Variants in PAX2 observed in about 807,000 individuals in gnomAD.
The protein encoded by PAX2 is paired box 2.
A neutral mutation model predicts 41.7 loss-of-function variants in PAX2; 9 were observed. That is an observed-to-expected ratio of 0.22 (90% CI 0.13 to 0.38). The LOEUF is 0.38. PAX2 is among the 10% of genes least tolerant of loss of function. The probability of loss-of-function intolerance (pLI) is 1.00; values close to 1 mark genes in which losing one functional copy is unlikely to be tolerated. For missense variants in PAX2, 418 were observed against 531.6 expected, an observed-to-expected ratio of 0.79 and a Z score of 2.10; for synonymous variants, 221 against 212.7, an observed-to-expected ratio of 1.04 and a Z score of -0.34.
At chr10:100,769,681 AAAC>A (rs1846148463) in intron 3 of PAX2, among the ~76,000 whole-genome samples, 1 of 150,978 alleles carries the variant, frequency 6.6e-6, no homozygotes, top group East Asian at 1.9e-4. Context: ...AAAAAATAAA[AAAC>A]AAAAAACAAG....
At position 100,748,834 on chromosome 10, in the gene PAX2, G is replaced by T; in HGVS notation, c.44-912G>T. On this transcript the variant is annotated intron_variant, in intron 1 of 9. Coordinates refer to ENST00000355243, the MANE Select transcript of PAX2 (RefSeq NM_000278.5). This position sits in a 1 kb window ranked among gnomAD's most constrained non-coding sequence, Gnocchi z 5.0. ...GTCAAAGGGACTCGAGTCGGGTTTG[G>T]GTCGGCTACACAGGGCGCCCCGAGA... is the stretch of plus-strand genomic sequence containing the variant. 1 of 985,274 alleles carries T rather than the reference G, an allele frequency of 1.0e-6. No homozygotes were observed. The highest frequency in any genetic ancestry group is 1.2e-6 in the Non-Finnish European group (1 of 829,960). 61.0% of individuals were successfully genotyped at this position (985,274 alleles called of 1,614,324 possible). A position where few individuals can be genotyped will look rare whatever the true frequency, so the allele number is the denominator to read the frequency against.
upstream of PAX2, among the ~76,000 whole-genome samples, chr10:100,744,707 C>T (rs184196392): frequency 1.3e-3 from 195 of 152,330 alleles, no homozygotes; most frequent in African/African-American, 4.6e-3. Flanking sequence ...TCCCCTGTAC[C>T]CCCTTCCCAG....
rs1589805309 is a variant in PAX2 at position 100,745,782 on chromosome 10, C to A, written c.-479C>A. 9.4e-7 allele frequency: 1 copy of A among 1,060,784 alleles called. No individual in the cohort carries two copies. Among genetic ancestry groups the A allele is most frequent in the Non-Finnish European group, 1.1e-6 (1 of 877,186 alleles). 65.7% of individuals were successfully genotyped at this position (1,060,784 alleles called of 1,614,324 possible). On this transcript the variant is annotated 5_prime_UTR_variant, in exon 1 of 10. Transcript: ENST00000355243. ...CATCCCCGGGATTGCTACTTCTCTG[C>A]CAACTTCGCCAACTCGCCAGCACTT...
At chr10:100,782,425 A>G (rs1239039360) in intron 5 of PAX2, among the ~76,000 whole-genome samples, 1 of 152,252 alleles carries the variant, frequency 6.6e-6, no homozygotes, top group African/African-American at 2.4e-5. Context: ...CATTCCACAC[A>G]TAGACAAACC....
intron 5 of PAX2, among the ~76,000 whole-genome samples, chr10:100,793,229 G>A (rs1847198005): frequency 6.6e-6 from 1 of 152,214 alleles, no homozygotes; most frequent in Non-Finnish European, 1.5e-5. Flanking sequence ...TAGACGCTCA[G>A]TGAGCCCTCC....
Position 100,738,214 on chromosome 10 carries a change from G to C in PAX2, c.25+2481G>C, listed in dbSNP as rs535220523. On this transcript the variant is annotated intron_variant, in intron 1 of 9. Transcript: ENST00000679374. ...CTCCCTCTCCCCATTCGGGCGCCAGGCTTTCAGAGCCTGGGGGAGACACAG... is the reference window on the plus strand; with the variant it reads ...CTCCCTCTCCCCATTCGGGCGCCAGCCTTTCAGAGCCTGGGGGAGACACAG... Among the ~76,000 whole-genome samples the C allele has an allele frequency of 3.9e-5, 6 of 152,300 alleles. No homozygotes were observed. In the East Asian group the frequency reaches 1.2e-3, roughly 29 times the overall value.
chr10:100,763,105 TCA>T (rs1845895345), intron 3 of PAX2, among the ~76,000 whole-genome samples: 1 of 152,224 alleles, frequency 6.6e-6, no homozygotes, highest in Non-Finnish European at 1.5e-5. Flanking sequence ...ACTGGTTTTG[TCA>T]AATAGCTGCT....
At chr10:100,769,794 G>A (rs1386167418) in intron 3 of PAX2, among the ~76,000 whole-genome samples, 1 of 152,092 alleles carries the variant, frequency 6.6e-6, no homozygotes, top group Non-Finnish European at 1.5e-5. Flanking sequence ...GCTAGGTGCT[G>A]GGGAAAGACA....
At chr10:100,821,546 C>T (rs1848380965) in intron 7 of PAX2, among the ~76,000 whole-genome samples, 1 of 152,226 alleles carries the variant, frequency 6.6e-6, no homozygotes, top group South Asian at 2.1e-4. Flanking sequence ...CAGTGGGTGA[C>T]TTTCAGCATG....
rs1425370176 is a variant in PAX2, at chr10:100,826,482, G to A, written c.1022-527G>A. ...TAGCCCACGCATCCAACCTCTTGAGGGAAAGGCGGGAGGGCGGTGTCTCCC... is the reference window on the plus strand; with the variant it reads ...TAGCCCACGCATCCAACCTCTTGAGAGAAAGGCGGGAGGGCGGTGTCTCCC... On this transcript the variant is annotated intron_variant, in intron 8 of 9. Transcript: ENST00000355243. This position sits in a 1 kb window ranked among gnomAD's most constrained non-coding sequence, Gnocchi z 5.5. Among the ~76,000 whole-genome samples, 1 of 152,198 alleles carries A rather than the reference G, an allele frequency of 6.6e-6. No homozygotes were observed. The highest frequency in any genetic ancestry group is 1.5e-5 in the Non-Finnish European group (1 of 68,034).
chr10:100,829,075 G>A lies in PAX2; in HGVS notation c.*1456G>A, dbSNP rs1589914190. ...TAAAGCACAGCACGTCCTGGGGGAG[G>A]GGGGCATTTTTTATGTTACAAAAAA... On this transcript the variant is annotated 3_prime_UTR_variant, in exon 10 of 10. Transcript: ENST00000355243. The A allele has an allele frequency of 8.7e-6, 2 of 229,886 alleles. No homozygotes were observed. The highest frequency in any genetic ancestry group is 1.7e-5 in the Non-Finnish European group (2 of 116,010). The allele number at this position is 229,886 out of a possible 1,614,324, so 14.2% of individuals were successfully genotyped here. A position where few individuals can be genotyped will look rare whatever the true frequency, so the allele number is the denominator to read the frequency against.
At chr10:100,749,115 A>G in intron 1 of PAX2, 5 of 985,592 alleles carry the variant, frequency 5.1e-6, no homozygotes, top group Non-Finnish European at 6.0e-6. Context: ...ATAACATTAG[A>G]AAAACTTCCC....
At chr10:100,799,300 G>C (rs1179502251) in intron 5 of PAX2, among the ~76,000 whole-genome samples, 1 of 152,168 alleles carries the variant, frequency 6.6e-6, no homozygotes, top group African/African-American at 2.4e-5. Context: ...TTCTGCCTGC[G>C]GATGAAGACT....
intron 3 of PAX2, among the ~76,000 whole-genome samples, chr10:100,761,014 A>C (rs1845821625): frequency 6.6e-6 from 1 of 152,144 alleles, no homozygotes; most frequent in South Asian, 2.1e-4. Context: ...ACCCATTTGC[A>C]ATGGTCCTGG....
rs1848501128 is a variant in PAX2, at chr10:100,824,996, C to T, written c.1021+247C>T. ...GTGTGCAACCCACTGTATGTCATGG[C>T]CCCTCCACAGCGCCCACCCACCCAA... On this transcript the variant is annotated intron_variant, in intron 8 of 9. Transcript: ENST00000355243. The surrounding 1 kb of genome is among the most constrained non-coding windows in gnomAD (Gnocchi z 6.6). 1 of 1,608,970 alleles carries T rather than the reference C, an allele frequency of 6.2e-7. No homozygotes were observed. The highest frequency in any genetic ancestry group is 8.5e-7 in the Non-Finnish European group (1 of 1,175,342).
intron 4 of PAX2, among the ~76,000 whole-genome samples, 158 bp from the exon 5 acceptor site, chr10:100,781,088 A>G (rs1425022706): frequency 6.6e-6 from 1 of 152,190 alleles, no homozygotes; most frequent in Non-Finnish European, 1.5e-5. Context: ...CCCCTCTTAA[A>G]TAGACCCCAG....
intron 5 of PAX2, among the ~76,000 whole-genome samples, chr10:100,792,474 A>G (rs1237463959): frequency 6.6e-6 from 1 of 152,202 alleles, no homozygotes; most frequent in Non-Finnish European, 1.5e-5. Context: ...TGAGAAGTCT[A>G]TCTCCCTTCT....
chr10:100,746,716 CTCTT>C (rs1290657298), intron 1 of PAX2, among the ~76,000 whole-genome samples: 4 of 152,182 alleles, frequency 2.6e-5, no homozygotes, highest in Non-Finnish European at 5.9e-5. Context: ...TGTCTTTTCT[CTCTT>C]TCTCTCTTCC....
Position 100,750,555 on chromosome 10 carries a change from G to C in PAX2, c.213-139G>C, listed in dbSNP as rs1845402606. The C allele has an allele frequency of 7.0e-5, 51 of 731,620 alleles. 3 individuals carry two copies. In the South Asian group the frequency reaches 8.7e-4, roughly 13 times the overall value. The allele number at this position is 731,620 out of a possible 1,614,324, so 45.3% of individuals were successfully genotyped here. A position where few individuals can be genotyped will look rare whatever the true frequency, so the allele number is the denominator to read the frequency against. ...CTAGCCAGGCACCCTCAGGAAGTCA[G>C]CTCAGCCACACTGGGCCTTTTCCCT... On this transcript the variant is annotated intron_variant, in intron 2 of 9. Transcript: ENST00000355243. This position sits in a 1 kb window ranked among gnomAD's most constrained non-coding sequence, Gnocchi z 4.1.
Sources: gnomAD v4.1 joint callset for allele counts (sites outside exome capture counted in the v4.1 genomes callset) on GRCh38, gnomAD v4.1.1 for gene constraint, Gnocchi (gnomAD v3.1) non-coding constraint, MANE v1.5 for transcripts, NCBI Gene and HGNC (gene_info 2026-07-23, HGNC 2026-07-21) for gene names.